Variants in GLI3 observed in about 807,000 individuals in gnomAD.
GLI3 encodes GLI family zinc finger 3.
In GLI3, 20 loss-of-function variants were observed where a neutral mutation model predicts 100.8. The observed-to-expected ratio is 0.20, with a 90% CI of 0.14 to 0.29. The LOEUF is 0.29. Among genes scored for constraint, GLI3 ranks in the 10% least tolerant of loss-of-function variants. GLI3 has a pLI of 1.00. For missense variants in GLI3, 2,040 were observed against 2,128.5 expected, an observed-to-expected ratio of 0.96 and a Z score of 0.82; for synonymous variants, 938 against 860.5, an observed-to-expected ratio of 1.09 and a Z score of -1.58.
intron 4 of GLI3, among the ~76,000 whole-genome samples, chr7:42,068,427 T>C (rs999188168): frequency 1.3e-5 from 2 of 152,162 alleles, no homozygotes; most frequent in African/African-American, 4.8e-5. Context: ...CATCCCTAGT[T>C]TTCTCAGAGC....
intron 3 of GLI3, among the ~76,000 whole-genome samples, chr7:42,110,108 G>A (rs1562735084): frequency 6.6e-6 from 1 of 152,096 alleles, no homozygotes. Context: ...AAGAAAAAAT[G>A]GGGTAGTAAG....
At chr7:42,201,778 A>G (rs1051131008) in intron 2 of GLI3, among the ~76,000 whole-genome samples, 1 of 152,154 alleles carries the variant, frequency 6.6e-6, no homozygotes. Context: ...AAACATAGGA[A>G]AAGTACAGTA....
intron 2 of GLI3, among the ~76,000 whole-genome samples, chr7:42,216,908 C>T (rs1040068508): frequency 2.6e-5 from 4 of 152,202 alleles, no homozygotes; most frequent in Non-Finnish European, 4.4e-5. Flanking sequence ...ATTGGACTGT[C>T]AGACTGGGGC....
intron 3 of GLI3, among the ~76,000 whole-genome samples, chr7:42,113,164 G>A (rs781605379): frequency 3.9e-5 from 6 of 152,098 alleles, no homozygotes; most frequent in Non-Finnish European, 8.8e-5. Context: ...GCGACAGAGC[G>A]AGACTCTGTC....
At chr7:42,196,506 A>C (rs1021781219) in intron 2 of GLI3, among the ~76,000 whole-genome samples, 1 of 152,236 alleles carries the variant, frequency 6.6e-6, no homozygotes, top group Non-Finnish European at 1.5e-5. Context: ...ACACCAAAAA[A>C]TATATTACAC....
At chr7:42,058,079 AAT>A (rs1453872860) in intron 4 of GLI3, among the ~76,000 whole-genome samples, 7 of 152,188 alleles carry the variant, frequency 4.6e-5, no homozygotes, top group South Asian at 4.1e-4. Flanking sequence ...AAAAATAAAA[AAT>A]ATGTGATAAA....
chr7:41,992,539 A>G lies in GLI3; in HGVS notation c.1498-13791T>C, dbSNP rs567472884. ...CATGTTATCTTTGGTAAACTAAAAA[A>G]CACCTACACAGTATTTTAAAGATTT... is the stretch of plus-strand genomic sequence containing the variant. On this transcript the variant is annotated intron_variant, in intron 10 of 14. Coordinates refer to ENST00000395925, the MANE Select transcript of GLI3 (RefSeq NM_000168.6). 7.6e-4 allele frequency among the ~76,000 whole-genome samples: 115 copies of G among 152,316 alleles called. 1 individual carries two copies. Among genetic ancestry groups the G allele is most frequent in the African/African-American group, 2.3e-3 (94 of 41,570 alleles).
At chr7:42,152,060 C>G (rs1786881286) in intron 2 of GLI3, 1 of 152,204 alleles carries the variant, frequency 6.6e-6, no homozygotes, top group Non-Finnish European at 1.5e-5. Context: ...ACCGAGGGAA[C>G]AGGTTTCGGG....
chr7:42,167,762 C>T (rs563842908), intron 2 of GLI3, among the ~76,000 whole-genome samples: 148 of 152,114 alleles, frequency 9.7e-4, no homozygotes, highest in Non-Finnish European at 1.6e-3. Context: ...GTGGATATGG[C>T]AGAACTTCAA....
Position 42,048,585 on chromosome 7 carries a change from G to C in GLI3, c.585C>G (p.Pro195=), listed in dbSNP as rs752473882. Residue 195 remains proline (P), a synonymous_variant, in exon 5 of 15, where the codon CCC becomes CCG. Coordinates refer to ENST00000395925, the MANE Select transcript of GLI3 (RefSeq NM_000168.6). ...ASESPFSPPH[P]YINPYMDYIR... is the part of the protein sequence containing the mutation. Reference sequence around the variant, plus strand: ...TATAGTCCATGTAGGGATTAATGTAGGGATGTGGAGGGCTGAAGGGAGACT... The same window carrying C: ...TATAGTCCATGTAGGGATTAATGTACGGATGTGGAGGGCTGAAGGGAGACT... The C allele has an allele frequency of 6.2e-7, 1 of 1,611,742 alleles. No individual in the cohort carries two copies. The highest frequency in any genetic ancestry group is 1.7e-5 in the Admixed American group (1 of 59,770).
chr7:42,123,558 A>G (rs1405754), intron 3 of GLI3, among the ~76,000 whole-genome samples: 13,485 of 152,278 alleles, frequency 0.089, 1,908 homozygotes, highest in African/African-American at 0.3. Context: ...TAGGCACAAC[A>G]CTTGAGAAAT....
rs577932509 is a variant in GLI3, at chr7:42,043,680, C to A, written c.826+1704G>T. ...ACAATCAATTTACCATATACTCAGG[C>A]AAATTAAAATTCCTTTAATTAGTTT... On this transcript the variant is annotated intron_variant, in intron 6 of 14. Coordinates refer to ENST00000395925, the MANE Select transcript of GLI3 (RefSeq NM_000168.6). 3.9e-5 allele frequency among the ~76,000 whole-genome samples: 6 copies of A among 152,286 alleles called. No individual in the cohort carries two copies. The East Asian group carries it at 1.2e-3, about 29-fold the overall frequency.
At chr7:42,145,905 C>A (rs1361882213) in intron 3 of GLI3, among the ~76,000 whole-genome samples, 1 of 152,178 alleles carries the variant, frequency 6.6e-6, no homozygotes, top group African/African-American at 2.4e-5. Context: ...CATATTATCA[C>A]CCTATCCCAC....
At chr7:42,136,257 G>A (rs1405253961) in intron 3 of GLI3, among the ~76,000 whole-genome samples, 1 of 152,200 alleles carries the variant, frequency 6.6e-6, no homozygotes, top group East Asian at 1.9e-4. Flanking sequence ...GGGGCAACAG[G>A]AGCACCATGA....
rs1255839790 is a variant in GLI3 at position 42,076,799 on chromosome 7, A to G, written c.426T>C (p.His142=). Residue 142 remains histidine (H), a synonymous_variant, in exon 4 of 15, where the codon CAT becomes CAC. Coordinates refer to ENST00000395925, the MANE Select transcript of GLI3 (RefSeq NM_000168.6). ...HPPVPIDARH[H]EGRYHYDPSP... ...ATGGATCGTAATGGTAACGGCCCTC[A>G]TGATGTCTGGCATCAATTGGTACAG... is the stretch of plus-strand genomic sequence containing the variant. The G allele has an allele frequency of 6.2e-7, 1 of 1,613,372 alleles. No individual in the cohort carries two copies. Among genetic ancestry groups the G allele is most frequent in the Non-Finnish European group, 8.5e-7 (1 of 1,179,366 alleles).
chr7:42,066,010 C>T (rs1382132948), intron 4 of GLI3, among the ~76,000 whole-genome samples: 3 of 152,110 alleles, frequency 2.0e-5, no homozygotes, highest in Non-Finnish European at 2.9e-5. Flanking sequence ...CACAGCGGAT[C>T]GAAGCCATGG....
intron 4 of GLI3, among the ~76,000 whole-genome samples, chr7:42,062,088 C>T (rs2128747407): frequency 6.6e-6 from 1 of 152,252 alleles, no homozygotes; most frequent in African/African-American, 2.4e-5. Flanking sequence ...AAAACCTGTG[C>T]ACAGGACCAT....
At chr7:42,012,411 C>T (rs1244022885) in intron 10 of GLI3, among the ~76,000 whole-genome samples, 1 of 151,972 alleles carries the variant, frequency 6.6e-6, no homozygotes, top group Non-Finnish European at 1.5e-5. Context: ...TCTCCTGTAA[C>T]ATTTCATGTA....
rs576514813 is a variant in GLI3, at chr7:42,167,938, C to T, written c.125-19470G>A. ...CTCTCAAACTCAACTCATGCATGCA[C>T]ATGGCCTGAATCCAATTTCTTACCC... On this transcript the variant is annotated intron_variant, in intron 2 of 14. Transcript: ENST00000395925. 2.6e-5 allele frequency among the ~76,000 whole-genome samples: 4 copies of T among 152,302 alleles called. No individual in the cohort carries two copies. The South Asian group carries it at 8.3e-4, about 32-fold the overall frequency.
Sources: allele counts gnomAD v4.1 joint callset (sites outside exome capture counted in the v4.1 genomes callset), GRCh38; gene constraint gnomAD v4.1.1; transcripts MANE v1.5; gene names NCBI Gene and HGNC (gene_info 2026-07-23, HGNC 2026-07-21).